The following KMT2E variants were observed in gnomAD, a reference collection of about 807,000 sequenced individuals.
KMT2E encodes the protein histone reader KMT2E.
Under a neutral mutation model 184.6 loss-of-function variants are expected in KMT2E, and 30 were observed. That is an observed-to-expected ratio of 0.16 (90% CI 0.12 to 0.22). The LOEUF (loss-of-function observed/expected upper bound fraction) is 0.22. KMT2E is among the 10% of genes least tolerant of loss of function. The pLI, the probability that KMT2E is intolerant of heterozygous loss-of-function variation, is 1.00. For synonymous variants in KMT2E, 815 were observed against 776.5 expected, an observed-to-expected ratio of 1.05 and a Z score of -0.82; for missense variants, 2,023 against 2,237.4, an observed-to-expected ratio of 0.90 and a Z score of 1.93.
At chr7:105,106,810 TG>T in intron 20 of KMT2E, 38 bp downstream of exon 20, 2 of 1,592,510 alleles carry the variant, frequency 1.3e-6, no homozygotes, top group Non-Finnish European at 1.7e-6. Flanking sequence ...ATTCAACACT[TG>T]GGGGGATGGA....
chr7:105,074,171 G>C (rs1797438892), intron 7 of KMT2E, among the ~76,000 whole-genome samples: 1 of 152,000 alleles, frequency 6.6e-6, no homozygotes, highest in African/African-American at 2.4e-5. Flanking sequence ...ATGGAGATTT[G>C]GATTGTTTTC....
chr7:105,068,453 A>G (rs1431865745), intron 6 of KMT2E, among the ~76,000 whole-genome samples: 1 of 151,052 alleles, frequency 6.6e-6, no homozygotes, highest in Non-Finnish European at 1.5e-5. Context: ...ATTGGAACAA[A>G]CTTCTCTTTT....
intron 1 of KMT2E, among the ~76,000 whole-genome samples, chr7:105,018,378 G>A (rs1162876762): frequency 6.6e-6 from 1 of 152,170 alleles, no homozygotes; most frequent in African/African-American, 2.4e-5. Context: ...TTTTAATAAT[G>A]TGTAAAAGCT....
intron 6 of KMT2E, among the ~76,000 whole-genome samples, chr7:105,071,045 G>A (rs374805614): frequency 2.6e-5 from 4 of 152,162 alleles, no homozygotes; most frequent in Admixed American, 1.3e-4. Context: ...ATGTAGATAT[G>A]TATCTATATA....
chr7:105,037,853 AATTT>A (rs1397415020), intron 1 of KMT2E, among the ~76,000 whole-genome samples: 1 of 109,576 alleles, frequency 9.1e-6, no homozygotes, highest in African/African-American at 4.6e-5. Flanking sequence ...ATTGTATTAA[AATTT>A]ATTTTTCAGT....
chr7:105,074,804 A>G lies in KMT2E; in HGVS notation c.718A>G (p.Lys240Glu). 2 of 1,602,864 alleles carry G rather than the reference A, an allele frequency of 1.2e-6. No individual in the cohort carries two copies. Among genetic ancestry groups the G allele is most frequent in the Non-Finnish European group, 1.7e-6 (2 of 1,175,830 alleles). ...KSGEKEQHIS[K>E]CKKAFREGSR... is the part of the protein sequence containing the mutation. ...CGGGGAGAAAGAACAACACATTTCA[A>G]AATGTAAAAAGGTACGTTTTTGCTT... The change falls in exon 8 of 27, where the codon AAA (lysine) becomes GAA (glutamate). Residue 240 changes from lysine to glutamate, a missense_variant. Physicochemically the swap from Lys to Glu is moderately conservative, Grantham distance 56. Around this residue, in one of 8 missense-constraint regions of KMT2E, gnomAD observed 191 missense variants for 209.0 expected, o/e 0.91. Coordinates refer to ENST00000311117, the MANE Select transcript of KMT2E (RefSeq NM_182931.3).
intron 26 of KMT2E, among the ~76,000 whole-genome samples, chr7:105,111,514 A>T (rs1181080903): frequency 2.6e-5 from 4 of 152,122 alleles, no homozygotes; most frequent in Non-Finnish European, 5.9e-5. Flanking sequence ...CTTCAGAGTG[A>T]GGCTCAAAAA....
At chr7:105,096,140 A>T (rs1798400907) in intron 15 of KMT2E, among the ~76,000 whole-genome samples, 1 of 150,766 alleles carries the variant, frequency 6.6e-6, no homozygotes. Flanking sequence ...CTATAATCCC[A>T]GCTACTTGGG....
intron 3 of KMT2E, among the ~76,000 whole-genome samples, chr7:105,050,665 T>TTTTCTTTC (rs557700509): frequency 1.3e-4 from 19 of 147,520 alleles, no homozygotes; most frequent in African/African-American, 4.4e-4. Flanking sequence ...TTTCTTTCTT[T>TTTTCTTTC]TTTCTTTCTT....
chr7:105,074,763 A>G lies in KMT2E; in HGVS notation c.677A>G (p.Lys226Arg), dbSNP rs751685869. The G allele has an allele frequency of 6.2e-7, 1 of 1,608,974 alleles. No homozygotes were observed. Among genetic ancestry groups the G allele is most frequent in the Admixed American group, 1.7e-5 (1 of 58,744 alleles). ...TASRVSKVND[K>R]RRKKSGEKEQ... is the part of the protein sequence containing the mutation. ...TCAAGAGTTTCCAAAGTTAATGATAAAAGAAGGAAAAAAAGCGGGGAGAAA... is the reference window on the plus strand; with the variant it reads ...TCAAGAGTTTCCAAAGTTAATGATAGAAGAAGGAAAAAAAGCGGGGAGAAA... The change falls in exon 8 of 27, where the codon AAA (lysine) becomes AGA (arginine). Residue 226 changes from lysine (K) to arginine (R), a missense_variant. Lys to Arg is a conservative substitution (Grantham distance 26). Coordinates refer to ENST00000311117, the MANE Select transcript of KMT2E (RefSeq NM_182931.3).
At chr7:105,028,534 C>T (rs1053213098) in intron 1 of KMT2E, among the ~76,000 whole-genome samples, 8 of 152,000 alleles carry the variant, frequency 5.3e-5, no homozygotes, top group African/African-American at 1.7e-4. Context: ...CTCATTCACC[C>T]AGGCTGGAGT....
In KMT2E at chr7:105,114,619, C is replaced by CTGTT. The variant is rs1417270635; in HGVS notation, c.*1288_*1291dup. ...GTAAGTACATCCAATAATAATGATA[C>CTGTT]TGTTTTATCAATCAACATATTTTTC... On this transcript the variant is annotated 3_prime_UTR_variant, in exon 27 of 27. Coordinates refer to ENST00000311117, the MANE Select transcript of KMT2E (RefSeq NM_182931.3). Among the ~76,000 whole-genome samples the CTGTT allele has an allele frequency of 6.6e-6, 1 of 152,196 alleles. No homozygotes were observed. Among genetic ancestry groups the CTGTT allele is most frequent in the East Asian group, 1.9e-4 (1 of 5,204 alleles).
chr7:105,040,017 T>C (rs564586869), intron 2 of KMT2E, among the ~76,000 whole-genome samples: 1 of 152,282 alleles, frequency 6.6e-6, no homozygotes, highest in African/African-American at 2.4e-5. Flanking sequence ...ACTTCATTAG[T>C]TTTTTCTACT....
intron 1 of KMT2E, among the ~76,000 whole-genome samples, chr7:105,030,368 A>G (rs1053924978): frequency 1.3e-5 from 2 of 152,246 alleles, no homozygotes; most frequent in African/African-American, 4.8e-5. Context: ...TGGGTGGGAA[A>G]GAAAAGGAAA....
intron 16 of KMT2E, 95 bp from the exon 17 acceptor site, chr7:105,101,787 ATTCC>A: frequency 2.0e-5 from 22 of 1,124,064 alleles, no homozygotes; most frequent in Non-Finnish European, 2.6e-5. Flanking sequence ...GAATTCAAAA[ATTCC>A]AGAAAGTTGG....
intron 15 of KMT2E, among the ~76,000 whole-genome samples, chr7:105,092,853 C>G (rs1798261358): frequency 6.6e-6 from 1 of 151,898 alleles, no homozygotes; most frequent in African/African-American, 2.4e-5. Context: ...TCTTCTGTAA[C>G]TGGCTTTAAG....
chr7:105,065,250 ATTAT>A (rs1796982611), intron 5 of KMT2E, among the ~76,000 whole-genome samples: 2 of 152,092 alleles, frequency 1.3e-5, no homozygotes, highest in Admixed American at 1.3e-4. Context: ...CACAGCTCTG[ATTAT>A]TTATTCATAT....
chr7:105,068,630 T>TG (rs1797147290), intron 6 of KMT2E, among the ~76,000 whole-genome samples: 1 of 134,880 alleles, frequency 7.4e-6, no homozygotes, highest in Non-Finnish European at 1.5e-5. Context: ...TGTGGTTTTT[T>TG]TTTTTTTTGT....
chr7:105,055,375 AAG>A (rs1253064967), intron 3 of KMT2E, among the ~76,000 whole-genome samples: 3 of 151,898 alleles, frequency 2.0e-5, no homozygotes, highest in African/African-American at 7.3e-5. Flanking sequence ...TTTTCAGGAT[AAG>A]AGATCATATT....
Sources: allele counts gnomAD v4.1 joint callset (sites outside exome capture counted in the v4.1 genomes callset), GRCh38; gene constraint gnomAD v4.1.1; regional missense constraint gnomAD v4.1.1; transcripts MANE v1.5; gene names NCBI Gene and HGNC (gene_info 2026-07-23, HGNC 2026-07-21).